The following GNAI3 variants were observed in gnomAD, a reference collection of about 807,000 sequenced individuals.
GNAI3 encodes guanine nucleotide-binding protein G(i) subunit alpha-3.
Under a neutral mutation model 41.8 loss-of-function variants are expected in GNAI3, and 12 were observed. The ratio of observed to expected loss-of-function variants is 0.29; its 90% CI spans 0.18 to 0.47. The LOEUF is 0.47. Among genes scored for constraint, GNAI3 ranks in the 20% least tolerant of loss-of-function variants. The probability of loss-of-function intolerance (pLI) is 1.00; values close to 1 mark genes in which losing one functional copy is unlikely to be tolerated. For synonymous variants in GNAI3, 132 were observed against 146.5 expected (o/e 0.90, Z 0.71); for missense variants, 360 against 429.6 (o/e 0.84, Z 1.43).
At chr1:109,551,501 G>A (rs1647982084) in intron 1 of GNAI3, among the ~76,000 whole-genome samples, 1 of 152,160 alleles carries the variant, frequency 6.6e-6, no homozygotes, top group Non-Finnish European at 1.5e-5. Context: ...TTAACATGGT[G>A]ATTAATAGCA....
In GNAI3 at chr1:109,593,756, G is replaced by A. The variant is rs1372646874; in HGVS notation, c.*1434G>A. ...ACATTTTGCTTGTGTGGAAAGTTACGTTCACTTCAACCTACAGACCCTTTT... is the reference window on the plus strand; with the variant it reads ...ACATTTTGCTTGTGTGGAAAGTTACATTCACTTCAACCTACAGACCCTTTT... On this transcript the variant is annotated 3_prime_UTR_variant, in exon 9 of 9. Transcript: ENST00000369851. 6.6e-6 allele frequency: 1 copy of A among 152,568 alleles called. No homozygotes were observed. The highest frequency in any genetic ancestry group is 2.4e-5 in the African/African-American group (1 of 41,422). The allele number at this position is 152,568 out of a possible 1,614,324, so 9.5% of individuals were successfully genotyped here. A position where few individuals can be genotyped will look rare whatever the true frequency, so the allele number is the denominator to read the frequency against.
At position 109,594,224 on chromosome 1, in the gene GNAI3, T is replaced by A. The variant is rs3525; in HGVS notation, c.*1902T>A. ...AATATACCTTTTCCTTATTGTATTC[T>A]GTAATATAGGATCCTGGAAATGAGA... On this transcript the variant is annotated 3_prime_UTR_variant, in exon 9 of 9. Transcript: ENST00000369851. 27,646 of 152,106 alleles carry A rather than the reference T, an allele frequency of 0.18. 2,678 individuals carry two copies. The highest frequency in any genetic ancestry group is 0.34 in the East Asian group (1,748 of 5,174). 9.4% of individuals were successfully genotyped at this position (152,106 alleles called of 1,614,324 possible).
At position 109,595,658 on chromosome 1, in the gene GNAI3, C is replaced by G. The variant is rs1649283740; in HGVS notation, c.*3336C>G. The G allele has an allele frequency of 6.6e-6, 1 of 151,910 alleles. No individual in the cohort carries two copies. Among genetic ancestry groups the G allele is most frequent in the Non-Finnish European group, 1.5e-5 (1 of 67,980 alleles). The allele number at this position is 151,910 out of a possible 1,614,324, so 9.4% of individuals were successfully genotyped here. On this transcript the variant is annotated 3_prime_UTR_variant, in exon 9 of 9. Coordinates refer to ENST00000369851, the MANE Select transcript of GNAI3 (RefSeq NM_006496.4). ...GTGACATTCTTTGGACATTACTTGC[C>G]TGGCCTGATTAGTTACTTAATATAA...
intron 7 of GNAI3, chr1:109,591,596 T>C: frequency 2.0e-6 from 1 of 501,980 alleles, no homozygotes; most frequent in East Asian, 3.4e-5. Context: ...GCTAATCTTC[T>C]CTGTATTGTT....
chr1:109,592,070 C>A lies in GNAI3; in HGVS notation c.902C>A (p.Ala301Asp). 3 of 1,612,180 alleles carry A rather than the reference C, an allele frequency of 1.9e-6. No homozygotes were observed. The highest frequency in any genetic ancestry group is 2.5e-6 in the Non-Finnish European group (3 of 1,178,560). ...TGSNTYEEAA[A>D]YIQCQFEDLN... ...TCCAATACATATGAAGAGGCAGCTGCCTATATTCAATGCCAGTTTGAAGAT... is the reference window on the plus strand; with the variant it reads ...TCCAATACATATGAAGAGGCAGCTGACTATATTCAATGCCAGTTTGAAGAT... Residue 301 changes from alanine (A) to aspartate (D), a missense_variant, in exon 8 of 9, where the codon GCC (alanine) becomes GAC (aspartate). Ala to Asp is a moderately radical substitution (Grantham distance 126). Coordinates refer to ENST00000369851, the MANE Select transcript of GNAI3 (RefSeq NM_006496.4).
intron 1 of GNAI3, among the ~76,000 whole-genome samples, chr1:109,564,324 T>A (rs1373243864): frequency 2.0e-5 from 3 of 152,024 alleles, no homozygotes; most frequent in African/African-American, 7.3e-5. Context: ...TCTTTCTCTG[T>A]TTCCTTGGTC....
rs1331912878 is a variant in GNAI3, at chr1:109,558,852, G to A, written c.118+10014G>A. Among the ~76,000 whole-genome samples the A allele has an allele frequency of 5.3e-5, 8 of 152,168 alleles. No homozygotes were observed. The East Asian group carries it at 1.5e-3, about 29-fold the overall frequency. On this transcript the variant is annotated intron_variant, in intron 1 of 8. Transcript: ENST00000369851. ...TGGCAGGGGAATAGGACTTGTTGAAGGGAGTGGGAAAGAAGGGATGCAGGT... is the reference window on the plus strand; with the variant it reads ...TGGCAGGGGAATAGGACTTGTTGAAAGGAGTGGGAAAGAAGGGATGCAGGT...
intron 1 of GNAI3, among the ~76,000 whole-genome samples, chr1:109,555,837 T>C (rs917579847): frequency 1.3e-5 from 2 of 152,236 alleles, no homozygotes; most frequent in Non-Finnish European, 1.5e-5. Flanking sequence ...CTGCATCCTC[T>C]AGCTTGGGAA....
In GNAI3 at chr1:109,582,422, G is replaced by A. The variant is rs112551683; in HGVS notation, c.462-15G>A. The A allele has an allele frequency of 1.7e-4, 264 of 1,598,944 alleles. No homozygotes were observed. The African/African-American group carries it at 3.2e-3, about 19-fold the overall frequency. On this transcript the variant is annotated splice_polypyrimidine_tract_variant and intron_variant, in intron 4 of 8. Transcript: ENST00000369851. ...TTGGCTTCACCAAGTAAAAGTAAAC[G>A]TGTCTTTTATTTAGTTATCTAAATG...
intron 1 of GNAI3, among the ~76,000 whole-genome samples, chr1:109,549,346 TAGTA>T (rs1647918521): frequency 6.6e-6 from 1 of 152,202 alleles, no homozygotes; most frequent in African/African-American, 2.4e-5. Context: ...TGACATTTGT[TAGTA>T]AGAGAGCCAT....
intron 7 of GNAI3, among the ~76,000 whole-genome samples, chr1:109,587,279 A>G (rs1488264945): frequency 6.6e-6 from 1 of 152,186 alleles, no homozygotes; most frequent in Non-Finnish European, 1.5e-5. Context: ...AAAATTTGGT[A>G]TATGTTGAAG....
chr1:109,588,315 G>C (rs1649085327), intron 7 of GNAI3, among the ~76,000 whole-genome samples: 1 of 151,404 alleles, frequency 6.6e-6, no homozygotes, highest in South Asian at 2.1e-4. Context: ...CCGGGAGGCA[G>C]AGCTTGCAGT....
intron 4 of GNAI3, among the ~76,000 whole-genome samples, chr1:109,579,956 A>G (rs1648844702): frequency 1.3e-5 from 2 of 152,156 alleles, no homozygotes; most frequent in Non-Finnish European, 2.9e-5. Flanking sequence ...ATGTTATCCT[A>G]TTTTACCTCT....
At chr1:109,565,073 C>T (rs1025016323) in intron 1 of GNAI3, among the ~76,000 whole-genome samples, 17 of 151,744 alleles carry the variant, frequency 1.1e-4, no homozygotes, top group Non-Finnish European at 2.2e-4. Flanking sequence ...CCAGCCTGGC[C>T]AAGATGGTGA....
intron 3 of GNAI3, among the ~76,000 whole-genome samples, chr1:109,574,398 G>C (rs555153911): frequency 2.6e-5 from 4 of 151,548 alleles, no homozygotes; most frequent in Admixed American, 6.6e-5. Context: ...TCTGCTTTCT[G>C]AGGTGTACAG....
chr1:109,562,228 C>G (rs897707789), intron 1 of GNAI3, among the ~76,000 whole-genome samples: 4 of 149,218 alleles, frequency 2.7e-5, no homozygotes, highest in Non-Finnish European at 5.9e-5. Flanking sequence ...AAAAATAATA[C>G]AAAAAAAGTA....
At chr1:109,591,341 T>C (rs1026608311) in intron 7 of GNAI3, among the ~76,000 whole-genome samples, 5 of 152,120 alleles carry the variant, frequency 3.3e-5, no homozygotes, top group African/African-American at 7.2e-5. Context: ...TCCCATAGCG[T>C]TTATTGCCAT....
intron 5 of GNAI3, 127 bp from the exon 6 acceptor site, chr1:109,586,089 C>A (rs906829475): frequency 4.5e-6 from 3 of 668,660 alleles, no homozygotes; most frequent in Non-Finnish European, 4.8e-6. Flanking sequence ...TGCATTTAAT[C>A]TATTCTTTTT....
At chr1:109,566,030 G>T (rs1296891540) in intron 1 of GNAI3, among the ~76,000 whole-genome samples, 2 of 152,216 alleles carry the variant, frequency 1.3e-5, no homozygotes, top group Non-Finnish European at 2.9e-5. Flanking sequence ...GCTGGCTAGA[G>T]ATAAAATGAA....
Sources: gnomAD v4.1 joint callset for allele counts (sites outside exome capture counted in the v4.1 genomes callset) on GRCh38, gnomAD v4.1.1 for gene constraint, MANE v1.5 for transcripts, NCBI Gene and HGNC (gene_info 2026-07-23, HGNC 2026-07-21) for gene names.